Variants in OR2T2 observed in about 807,000 individuals in gnomAD.
OR2T2 encodes the protein olfactory receptor family 2 subfamily T member 2.
For synonymous variants in OR2T2, 50 were observed against 162.7 expected (o/e 0.31, Z 5.27); for missense variants, 138 against 409.1 (o/e 0.34, Z 5.72).
intron 1 of OR2T2, among the ~76,000 whole-genome samples, chr1:248,446,164 ATT>A (rs200594110): frequency 7.2e-5 from 10 of 139,110 alleles, no homozygotes; most frequent in Admixed American, 6.3e-4. Flanking sequence ...GGAAATCATG[ATT>A]TTTTTTTTTC....
chr1:248,446,072 A>C (rs943311391), intron 1 of OR2T2, among the ~76,000 whole-genome samples: 10 of 145,584 alleles, frequency 6.9e-5, no homozygotes, highest in Non-Finnish European at 1.2e-4. Flanking sequence ...TTTTGTTAAA[A>C]TTTTAATTTA....
At chr1:248,454,953 G>A (rs1362245074) in exon 3 of OR2T2, 16 of 144,638 alleles carry the variant, frequency 1.1e-4, no homozygotes, top group Admixed American at 6.9e-5. Flanking sequence ...AGTTCCCGTG[G>A]AATAAGTTGC....
chr1:248,453,938 G>A, exon 3 of OR2T2: 1 of 743,022 alleles, frequency 1.3e-6, no homozygotes, highest in Non-Finnish European at 2.2e-6. Flanking sequence ...TATGGTATTG[G>A]TTCTGAAGAA....
At chr1:248,450,309 A>C (rs1210433718) in intron 2 of OR2T2, among the ~76,000 whole-genome samples, 2 of 143,296 alleles carry the variant, frequency 1.4e-5, no homozygotes, top group African/African-American at 2.9e-5. Flanking sequence ...CACACTACAC[A>C]CACATGTACA....
intron 1 of OR2T2, among the ~76,000 whole-genome samples, chr1:248,446,228 T>TAAGA (rs1662643996): frequency 2.2e-5 from 3 of 134,576 alleles, no homozygotes; most frequent in African/African-American, 9.2e-5. Flanking sequence ...CACGTGTGCC[T>TAAGA]TAAGATCTTT....
At chr1:248,455,110 G>A (rs1662905239) in exon 3 of OR2T2, 1 of 150,952 alleles carries the variant, frequency 6.6e-6, no homozygotes, top group African/African-American at 2.5e-5. Flanking sequence ...CACCATTCAT[G>A]TAACTTTAGT....
intron 2 of OR2T2, among the ~76,000 whole-genome samples, chr1:248,450,549 CTGA>C (rs1416789025): frequency 6.6e-6 from 1 of 151,628 alleles, no homozygotes; most frequent in African/African-American, 2.4e-5. Flanking sequence ...CTTGTGGAGT[CTGA>C]TTATTTACAT....
chr1:248,446,980 T>C lies in OR2T2; in HGVS notation c.-23+169T>C, dbSNP rs533781534. On this transcript the variant is annotated intron_variant, in intron 2 of 2. Coordinates refer to ENST00000642130, the Ensembl canonical transcript of OR2T2. ...ATGCCTAATTTTCCACACTGAAAAT[T>C]TCCAAATTGTCAGTTGGGATGGGAG... Among the ~76,000 whole-genome samples the C allele has an allele frequency of 3.3e-4, 49 of 148,448 alleles. No homozygotes were observed. In the South Asian group the frequency reaches 9.6e-3, roughly 29 times the overall value.
intron 2 of OR2T2, among the ~76,000 whole-genome samples, chr1:248,450,663 GTA>G (rs1662777060): frequency 1.3e-5 from 2 of 152,146 alleles, no homozygotes; most frequent in South Asian, 2.1e-4. Flanking sequence ...GTTCCTCAAA[GTA>G]TATTTTTAAA....
intron 2 of OR2T2, among the ~76,000 whole-genome samples, chr1:248,449,803 G>GCTTTTTT (rs1662747723): frequency 9.4e-6 from 1 of 106,158 alleles, no homozygotes; most frequent in Non-Finnish European, 1.7e-5. Context: ...GCAAATAAAA[G>GCTTTTTT]CTTTTTCTTT....
At chr1:248,453,416 A>G (rs1662860723) in exon 3 of OR2T2, 1 of 1,581,792 alleles carries the variant, frequency 6.3e-7, no homozygotes, top group Middle Eastern at 1.7e-4. Context: ...CTGCGTGCTG[A>G]TGCTGCTTAT....
In OR2T2 at chr1:248,453,098, C is replaced by G. The variant is rs764250578; in HGVS notation, c.301C>G (p.Gln101Glu). ...CATTTCCTTCCTGGGCTGTGCAGTTCAGATCTTCCTCTACCTGACCCTGAT... is the reference window on the plus strand; with the variant it reads ...CATTTCCTTCCTGGGCTGTGCAGTTGAGATCTTCCTCTACCTGACCCTGAT... Residue 101 changes from glutamine to glutamate, a missense_variant, in exon 3 of 3, where the codon CAG becomes GAG. Physicochemically the swap from Gln to Glu is conservative, Grantham distance 29. Transcript: ENST00000642130. 350 of 1,613,192 alleles carry G rather than the reference C, an allele frequency of 2.2e-4. 1 individual carries two copies. The South Asian group carries it at 3.6e-3, about 17-fold the overall frequency.
At position 248,450,407 on chromosome 1, in the gene OR2T2, TTCTC is replaced by T. The variant is rs1662769373; in HGVS notation, c.-22-2368_-22-2365del. Among the ~76,000 whole-genome samples, 2 of 147,162 alleles carry T rather than the reference TTCTC, an allele frequency of 1.4e-5. 1 individual carries two copies. Among genetic ancestry groups the T allele is most frequent in the African/African-American group, 5.4e-5 (2 of 37,168 alleles). ...AAATGAGGTGGCTAAAATCATATCT[TTCTC>T]CTGTTTCAGCTTTTTTACTCTCCTC... is the stretch of plus-strand genomic sequence containing the variant. On this transcript the variant is annotated intron_variant, in intron 2 of 2. Transcript: ENST00000642130.
intron 2 of OR2T2, among the ~76,000 whole-genome samples, chr1:248,448,818 TGGTG>T (rs1176482839): frequency 1.7e-4 from 13 of 74,978 alleles, no homozygotes; most frequent in South Asian, 8.4e-4. Flanking sequence ...AGTAACATGT[TGGTG>T]ACATGCCATT....
At position 248,453,213 on chromosome 1, in the gene OR2T2, G is replaced by A. The variant is rs201885657; in HGVS notation, c.416G>A (p.Arg139His). 4.7e-4 allele frequency: 755 copies of A among 1,608,616 alleles called. No homozygotes were observed. Among genetic ancestry groups the A allele is most frequent in the Non-Finnish European group, 5.8e-4 (688 of 1,177,246 alleles). ...CTACGGTACCCTCTCCTCATGAACC[G>A]CAGGGTTTGCTTATTCATGGTGGTC... Residue 139 changes from arginine to histidine, a missense_variant, in exon 3 of 3, where the codon CGC (arginine) becomes CAC (histidine). Transcript: ENST00000642130.
chr1:248,446,806 G>GT (rs1488696510), exon 2 of OR2T2: 1 of 148,830 alleles, frequency 6.7e-6, no homozygotes, highest in African/African-American at 2.6e-5. Flanking sequence ...TGACAATGTA[G>GT]TTTAGGTAAG....
intron 2 of OR2T2, among the ~76,000 whole-genome samples, chr1:248,449,803 G>GCTTTTTCTTTTT (rs201311654): frequency 5.7e-3 from 595 of 104,804 alleles, no homozygotes; most frequent in Non-Finnish European, 7.1e-3. Flanking sequence ...GCAAATAAAA[G>GCTTTTTCTTTTT]CTTTTTCTTT....
In OR2T2 at chr1:248,449,821, T is replaced by C. The variant is rs536695431; in HGVS notation, c.-22-2955T>C. Among the ~76,000 whole-genome samples the C allele has an allele frequency of 5.5e-5, 7 of 127,580 alleles. No homozygotes were observed. The East Asian group carries it at 1.5e-3, about 27-fold the overall frequency. The allele number at this position is 127,580 out of a possible 152,430, so 83.7% of individuals were successfully genotyped here. A position where few individuals can be genotyped will look rare whatever the true frequency, so the allele number is the denominator to read the frequency against. On this transcript the variant is annotated intron_variant, in intron 2 of 2. Transcript: ENST00000642130. ...AATAAAAGCTTTTTCTTTTTCTTTTTCTTTTTCTTTTTTTTTTTTTTTGGA... is the reference window on the plus strand; with the variant it reads ...AATAAAAGCTTTTTCTTTTTCTTTTCCTTTTTCTTTTTTTTTTTTTTTGGA...
chr1:248,447,113 G>A (rs1276154547), intron 2 of OR2T2, among the ~76,000 whole-genome samples: 2 of 151,860 alleles, frequency 1.3e-5, no homozygotes, highest in African/African-American at 2.4e-5. Flanking sequence ...TGGAGATAAG[G>A]TAAGGGAAAA....
Sources: allele counts gnomAD v4.1 joint callset (sites outside exome capture counted in the v4.1 genomes callset), GRCh38; gene constraint gnomAD v4.1.1; transcripts MANE v1.5; gene names NCBI Gene and HGNC (gene_info 2026-07-23, HGNC 2026-07-21).